The following ADIPOR2 variants were observed in gnomAD, a reference collection of about 807,000 sequenced individuals.
The protein encoded by ADIPOR2 is adiponectin receptor protein 2.
A neutral mutation model predicts 40.9 loss-of-function variants in ADIPOR2; 18 were observed. The ratio of observed to expected loss-of-function variants is 0.44; its 90% confidence interval spans 0.30 to 0.65. ADIPOR2 has a LOEUF of 0.65. ADIPOR2 is among the 30% of genes least tolerant of loss of function. The pLI is 0.09. For missense variants in ADIPOR2, 283 were observed against 479.2 expected (o/e 0.59, Z 3.82); for synonymous variants, 165 against 166.4 (o/e 0.99, Z 0.06).
intron 1 of ADIPOR2, among the ~76,000 whole-genome samples, chr12:1,709,742 A>G (rs982151197): frequency 2.8e-4 from 42 of 152,202 alleles, no homozygotes; most frequent in African/African-American, 1.0e-3. Flanking sequence ...ATTCAATTTT[A>G]TATTAAATAT....
intron 1 of ADIPOR2, among the ~76,000 whole-genome samples, chr12:1,701,672 A>G (rs997003071): frequency 1.3e-5 from 2 of 152,210 alleles, no homozygotes; most frequent in East Asian, 1.9e-4. Flanking sequence ...ATTATTTTCT[A>G]TTATATGAAT....
intron 1 of ADIPOR2, among the ~76,000 whole-genome samples, chr12:1,717,359 G>GT (rs560193545): frequency 3.7e-4 from 56 of 152,172 alleles, no homozygotes; most frequent in Admixed American, 1.4e-3. Context: ...ATCTTTAGTG[G>GT]TTGTCCCTGC....
At chr12:1,718,510 G>A (rs2094691893) in intron 1 of ADIPOR2, among the ~76,000 whole-genome samples, 1 of 151,302 alleles carries the variant, frequency 6.6e-6, no homozygotes, top group Non-Finnish European at 1.5e-5. Flanking sequence ...ATAGTATTTT[G>A]TCTCTTTTTA....
chr12:1,768,218 G>A (rs2154444019), intron 2 of ADIPOR2, among the ~76,000 whole-genome samples: 1 of 152,192 alleles, frequency 6.6e-6, no homozygotes, highest in South Asian at 2.1e-4. Context: ...ATGATTGTGA[G>A]TCTTTGTGGC....
chr12:1,720,590 G>C (rs1470135710), intron 1 of ADIPOR2, among the ~76,000 whole-genome samples: 1 of 152,060 alleles, frequency 6.6e-6, no homozygotes, highest in Non-Finnish European at 1.5e-5. Flanking sequence ...ATCACAATAG[G>C]GTTCAGGCTT....
chr12:1,754,741 C>CTACTAT (rs1418802053), intron 2 of ADIPOR2, among the ~76,000 whole-genome samples: 2 of 149,740 alleles, frequency 1.3e-5, no homozygotes, highest in African/African-American at 5.0e-5. Flanking sequence ...ACTACTACTA[C>CTACTAT]TACTACTATT....
intron 7 of ADIPOR2, 152 bp downstream of exon 7, chr12:1,784,225 T>C: frequency 1.1e-6 from 1 of 870,018 alleles, no homozygotes; most frequent in Non-Finnish European, 1.7e-6. Context: ...GGACAATAAG[T>C]ACAATAATAA....
chr12:1,748,258 C>A (rs974322105), intron 1 of ADIPOR2, among the ~76,000 whole-genome samples: 1 of 151,528 alleles, frequency 6.6e-6, no homozygotes, highest in African/African-American at 2.4e-5. Flanking sequence ...TTTATTTATT[C>A]TTTTTTTAGA....
At chr12:1,755,553 T>C (rs956560455) in intron 2 of ADIPOR2, among the ~76,000 whole-genome samples, 23 of 152,230 alleles carry the variant, frequency 1.5e-4, no homozygotes, top group African/African-American at 5.5e-4. Context: ...TTACCTCCAG[T>C]GTATACCTTG....
chr12:1,773,234 T>C (rs895460436), intron 3 of ADIPOR2, among the ~76,000 whole-genome samples: 3 of 152,194 alleles, frequency 2.0e-5, no homozygotes, highest in Admixed American at 6.5e-5. Flanking sequence ...AAATGTCTTA[T>C]TGGTGGTTTA....
rs1000788514 is a variant in ADIPOR2 at position 1,786,077 on chromosome 12, T to C, written c.*5T>C. ...AGTGAAGAGGATGCACTGTGATACCTACCAGTCTCCAGGGACTATGACCCT... is the reference window on the plus strand; with the variant it reads ...AGTGAAGAGGATGCACTGTGATACCCACCAGTCTCCAGGGACTATGACCCT... On this transcript the variant is annotated 3_prime_UTR_variant, in exon 8 of 8. Transcript: ENST00000357103. 5.0e-6 allele frequency: 8 copies of C among 1,613,286 alleles called. No homozygotes were observed. The highest frequency in any genetic ancestry group is 6.8e-6 in the Non-Finnish European group (8 of 1,179,866).
chr12:1,726,601 A>T (rs1272482948), intron 1 of ADIPOR2, among the ~76,000 whole-genome samples: 1 of 151,934 alleles, frequency 6.6e-6, no homozygotes, highest in Non-Finnish European at 1.5e-5. Context: ...TCATTTCATC[A>T]TGTAATACTT....
intron 2 of ADIPOR2, among the ~76,000 whole-genome samples, chr12:1,759,771 A>G (rs1862228867): frequency 6.6e-6 from 1 of 152,140 alleles, no homozygotes; most frequent in African/African-American, 2.4e-5. Context: ...TCACACCTGT[A>G]ATGTCAGCAC....
intron 1 of ADIPOR2, among the ~76,000 whole-genome samples, chr12:1,695,634 G>C (rs1389923080): frequency 7.0e-6 from 1 of 142,450 alleles, no homozygotes; most frequent in Non-Finnish European, 1.5e-5. Flanking sequence ...CTGCGCTCTA[G>C]CCTGGGCAAC....
intron 1 of ADIPOR2, among the ~76,000 whole-genome samples, chr12:1,717,213 C>G (rs1315022718): frequency 6.6e-6 from 1 of 152,110 alleles, no homozygotes; most frequent in African/African-American, 2.4e-5. Flanking sequence ...AGTCACTTTT[C>G]TCTTGATGTT....
chr12:1,774,617 C>T (rs1344129504), intron 3 of ADIPOR2, among the ~76,000 whole-genome samples: 1 of 152,238 alleles, frequency 6.6e-6, no homozygotes, highest in Non-Finnish European at 1.5e-5. Context: ...ATCTTGGTCA[C>T]TCTTTTTTCC....
chr12:1,711,745 G>T (rs953601391), intron 1 of ADIPOR2, among the ~76,000 whole-genome samples: 4 of 150,050 alleles, frequency 2.7e-5, no homozygotes, highest in Admixed American at 1.3e-4. Flanking sequence ...CTCTCTGCTG[G>T]TCTTTCCCTG....
intron 1 of ADIPOR2, among the ~76,000 whole-genome samples, chr12:1,719,553 T>C (rs543042259): frequency 1.3e-5 from 2 of 152,334 alleles, no homozygotes; most frequent in East Asian, 3.9e-4. Flanking sequence ...CATATGTATC[T>C]TCCAGGATTG....
intron 1 of ADIPOR2, among the ~76,000 whole-genome samples, chr12:1,735,331 C>G (rs950431329): frequency 7.2e-5 from 11 of 152,066 alleles, no homozygotes; most frequent in African/African-American, 2.7e-4. Flanking sequence ...AGTTGGATTC[C>G]TAGGTATTTT....
Sources: allele counts gnomAD v4.1 joint callset (sites outside exome capture counted in the v4.1 genomes callset), GRCh38; gene constraint gnomAD v4.1.1; transcripts MANE v1.5; gene names NCBI Gene and HGNC (gene_info 2026-07-23, HGNC 2026-07-21).